HHLA1: variants seen among roughly 807,000 people sequenced by gnomAD.
The protein encoded by HHLA1 is HHLA1 neighbor of OC90.
A neutral mutation model predicts 69.9 loss-of-function variants in HHLA1; 72 were observed. The observed-to-expected ratio is 1.03, with a 90% CI of 0.85 to 1.25. HHLA1 has a LOEUF of 1.25. HHLA1 is among the 50% of genes most tolerant of loss of function. The probability of loss-of-function intolerance (pLI) is 0.00; values close to 1 mark genes in which losing one functional copy is unlikely to be tolerated. For synonymous variants in HHLA1, 252 were observed against 233.2 expected, an observed-to-expected ratio of 1.08 and a Z score of -0.73; for missense variants, 685 against 642.2, an observed-to-expected ratio of 1.07 and a Z score of -0.72.
chr8:132,110,929 A>G lies in HHLA1; in HGVS notation c.-22+173T>C, dbSNP rs1393556275. ...CTGTGATCAAGCGATCAAGGGATGGAGTCTTAGCTAAATGCAATGTAGATA... is the reference window on the plus strand; with the variant it reads ...CTGTGATCAAGCGATCAAGGGATGGGGTCTTAGCTAAATGCAATGTAGATA... On this transcript the variant is annotated intron_variant, in intron 1 of 16. Coordinates refer to ENST00000414222, the MANE Select transcript of HHLA1 (RefSeq NM_001145095.3). 3.3e-5 allele frequency among the ~76,000 whole-genome samples: 5 copies of G among 152,180 alleles called. No individual in the cohort carries two copies. The East Asian group carries it at 9.6e-4, about 29-fold the overall frequency.
chr8:132,087,617 G>A (rs1411385882), intron 10 of HHLA1, 36 bp downstream of exon 10: 5 of 1,394,888 alleles, frequency 3.6e-6, no homozygotes, highest in Admixed American at 2.0e-5. Flanking sequence ...CTGGTCTGGA[G>A]AGTCTATGGG....
rs1469968071 is a variant in HHLA1 at position 132,095,552 on chromosome 8, A to G, written c.415T>C (p.Tyr139His). ...TCATTGGTCCGATTGTTTAAACAGT[A>G]GCAATACCTTGTGGGGAATTTGGCG... ...DPAKFPTRYC[Y>H]CLNNRTNDLS... Residue 139 changes from tyrosine to histidine, a missense_variant, in exon 7 of 17, where the codon TAC (tyrosine) becomes CAC (histidine). Coordinates refer to ENST00000414222, the MANE Select transcript of HHLA1 (RefSeq NM_001145095.3). The G allele has an allele frequency of 1.1e-5, 17 of 1,550,310 alleles. No homozygotes were observed. Among genetic ancestry groups the G allele is most frequent in the Non-Finnish European group, 1.3e-5 (15 of 1,145,688 alleles).
Position 132,079,882 on chromosome 8 carries a change from C to T in HHLA1, c.761G>A (p.Trp254Ter), listed in dbSNP as rs1488313865. ...AGATGCCCAGGGTGTGCTCTGGGTC[C>T]AGTGTCCGGGGCTTGTACTTGGTAG... is the stretch of plus-strand genomic sequence containing the variant. ...KTLPSTSPGH[W>*]TQSTPWASAL... The change falls in exon 11 of 17, where the codon TGG becomes TAG. Residue 254 changes from tryptophan to a stop codon, truncating the protein, a stop_gained. Transcript: ENST00000414222. LOFTEE classifies it high-confidence loss of function. 1.9e-6 allele frequency: 3 copies of T among 1,552,120 alleles called. No homozygotes were observed. The highest frequency in any genetic ancestry group is 2.6e-6 in the Non-Finnish European group (3 of 1,147,076).
intron 10 of HHLA1, among the ~76,000 whole-genome samples, chr8:132,082,722 A>T (rs1230742251): frequency 1.3e-5 from 2 of 151,706 alleles, no homozygotes; most frequent in East Asian, 1.9e-4. Context: ...CATCTTTAAG[A>T]TCAAGCACGG....
At chr8:132,071,797 G>A (rs1400388720) in intron 14 of HHLA1, among the ~76,000 whole-genome samples, 1 of 152,162 alleles carries the variant, frequency 6.6e-6, no homozygotes, top group African/African-American at 2.4e-5. Flanking sequence ...GGCATTTCTG[G>A]TGTAAGGGAC....
intron 11 of HHLA1, 44 bp from the exon 12 acceptor site, chr8:132,078,015 C>T (rs1313135737): frequency 2.0e-5 from 31 of 1,541,112 alleles, no homozygotes; most frequent in Admixed American, 7.9e-5. Flanking sequence ...ACATGCTTGA[C>T]CACTTCGATT....
intron 10 of HHLA1, among the ~76,000 whole-genome samples, chr8:132,086,228 A>G (rs1455024002): frequency 6.6e-6 from 1 of 152,148 alleles, no homozygotes; most frequent in Middle Eastern, 3.2e-3. Context: ...TATGACGATG[A>G]CAGGCTCCTA....
chr8:132,079,947 A>C lies in HHLA1; in HGVS notation c.696T>G (p.Thr232=). The change falls in exon 11 of 17, where the codon ACT becomes ACG. Residue 232 remains threonine (T), a synonymous_variant. Coordinates refer to ENST00000414222, the MANE Select transcript of HHLA1 (RefSeq NM_001145095.3). ...TGGTTGTGGGCTTTGAAGTCCTGGC[A>C]GTTCCCCTGGTAGCTGCACCTTCAG... ...SGVLGAATRG[T]ARTSKPTTKS... is the part of the protein sequence containing the mutation. 1 of 1,552,344 alleles carries C rather than the reference A, an allele frequency of 6.4e-7. No homozygotes were observed. The highest frequency in any genetic ancestry group is 8.7e-7 in the Non-Finnish European group (1 of 1,147,130).
chr8:132,081,900 T>G (rs1823758451), intron 10 of HHLA1, among the ~76,000 whole-genome samples: 1 of 152,204 alleles, frequency 6.6e-6, no homozygotes, highest in Admixed American at 6.5e-5. Context: ...TGAGAGGTTC[T>G]AAGAGGTGGG....
intron 4 of HHLA1, 35 bp from the exon 5 acceptor site, chr8:132,098,997 C>T (rs369954037): frequency 7.1e-6 from 10 of 1,409,710 alleles, no homozygotes; most frequent in Non-Finnish European, 7.8e-6. Context: ...CACTGGCAGG[C>T]TTTTCTCGGC....
At chr8:132,097,880 G>A (rs1005993641) in intron 5 of HHLA1, among the ~76,000 whole-genome samples, 2 of 152,242 alleles carry the variant, frequency 1.3e-5, no homozygotes, top group African/African-American at 4.8e-5. Flanking sequence ...GCACAGTTGT[G>A]CAGTGTGTGT....
chr8:132,103,594 G>T (rs1824152313), intron 3 of HHLA1, among the ~76,000 whole-genome samples: 1 of 151,786 alleles, frequency 6.6e-6, no homozygotes, highest in Non-Finnish European at 1.5e-5. Flanking sequence ...CTCCCATCTG[G>T]GTGACAGAGT....
intron 14 of HHLA1, among the ~76,000 whole-genome samples, chr8:132,073,246 T>C (rs550174497): frequency 6.6e-6 from 1 of 152,332 alleles, no homozygotes; most frequent in African/African-American, 2.4e-5. Context: ...CCCAAAGTGC[T>C]GGAATTACAG....
At chr8:132,097,532 G>A (rs1268428037) in intron 5 of HHLA1, among the ~76,000 whole-genome samples, 3 of 152,188 alleles carry the variant, frequency 2.0e-5, no homozygotes, top group African/African-American at 4.8e-5. Context: ...TGAGCTCCTC[G>A]AAGTTATGAC....
chr8:132,070,527 TCAACA>T, intron 15 of HHLA1: 1 of 617,552 alleles, frequency 1.6e-6, no homozygotes, highest in Non-Finnish European at 2.9e-6. Flanking sequence ...TTAACTTAAC[TCAACA>T]CAACATATCT....
chr8:132,068,279 G>T (rs1484398835), intron 15 of HHLA1, among the ~76,000 whole-genome samples: 1 of 152,196 alleles, frequency 6.6e-6, no homozygotes, highest in East Asian at 1.9e-4. Flanking sequence ...CACTTTGAAA[G>T]TGTACACCGC....
chr8:132,068,886 A>G (rs1563739514), intron 15 of HHLA1, among the ~76,000 whole-genome samples: 4 of 152,144 alleles, frequency 2.6e-5, no homozygotes. Context: ...CCTGGGAGGG[A>G]GATGATATGA....
intron 15 of HHLA1, among the ~76,000 whole-genome samples, chr8:132,069,051 G>A (rs1361585938): frequency 6.6e-6 from 1 of 152,108 alleles, no homozygotes; most frequent in East Asian, 1.9e-4. Flanking sequence ...AGTCAAAGAG[G>A]GCATATAATA....
Position 132,079,768 on chromosome 8 carries a change from G to C in HHLA1, c.875C>G (p.Ala292Gly), listed in dbSNP as rs1257029777. Residue 292 changes from alanine to glycine, a missense_variant, in exon 11 of 17, where the codon GCC (alanine) becomes GGC (glycine). Physicochemically the swap from Ala to Gly is moderately conservative, Grantham distance 60 (BLOSUM62 0). Coordinates refer to ENST00000414222, the MANE Select transcript of HHLA1 (RefSeq NM_001145095.3). Reference sequence around the variant, plus strand: ...ACTGAACCATGTGGCTGTGGCCCTGGCTGGAAGCTCAGGAGGCCTGCCTGT... The same window carrying C: ...ACTGAACCATGTGGCTGTGGCCCTGCCTGGAAGCTCAGGAGGCCTGCCTGT... Reference protein sequence around the residue: ...LNTGRPPELPARATATWFSAS... With the variant: ...LNTGRPPELPGRATATWFSAS... 2 of 1,551,664 alleles carry C rather than the reference G, an allele frequency of 1.3e-6. No homozygotes were observed. Among genetic ancestry groups the C allele is most frequent in the Non-Finnish European group, 1.7e-6 (2 of 1,146,962 alleles).
Sources: allele counts gnomAD v4.1 joint callset (sites outside exome capture counted in the v4.1 genomes callset), GRCh38; gene constraint gnomAD v4.1.1; transcripts MANE v1.5; gene names NCBI Gene and HGNC (gene_info 2026-07-23, HGNC 2026-07-21).